RAB10: variants seen among roughly 807,000 people sequenced by gnomAD.
RAB10 encodes RAB10, member RAS oncogene family.
RAB10 carries 5 observed loss-of-function variants against 25.7 expected under a neutral mutation model. The ratio of observed to expected loss-of-function variants is 0.19; its 90% CI spans 0.10 to 0.41. RAB10 has a LOEUF of 0.41. RAB10 is among the 10% of genes least tolerant of loss of function. RAB10 has a pLI of 1.00. For missense variants in RAB10, 103 were observed against 245.8 expected, an observed-to-expected ratio of 0.42 and a Z score of 3.89; for synonymous variants, 89 against 86.4, an observed-to-expected ratio of 1.03 and a Z score of -0.16.
chr2:26,075,545 A>C (rs901488641), intron 1 of RAB10, among the ~76,000 whole-genome samples: 2 of 152,170 alleles, frequency 1.3e-5, no homozygotes, highest in African/African-American at 4.8e-5. Flanking sequence ...GGTTTTACAA[A>C]ATTTTTTAAA....
intron 1 of RAB10, among the ~76,000 whole-genome samples, chr2:26,053,046 G>A (rs1167594809): frequency 6.6e-6 from 1 of 152,144 alleles, no homozygotes. Context: ...TGGAGGAAAA[G>A]TTTATATTTC....
chr2:26,092,464 TAGTG>T (rs1165261622), intron 1 of RAB10, among the ~76,000 whole-genome samples: 7 of 151,976 alleles, frequency 4.6e-5, no homozygotes, highest in East Asian at 1.9e-4. Context: ...AGAGGAAACT[TAGTG>T]AGGAAGGATC....
At chr2:26,112,073 G>A (rs1559596355) in intron 3 of RAB10, among the ~76,000 whole-genome samples, 1 of 152,174 alleles carries the variant, frequency 6.6e-6, no homozygotes, top group Non-Finnish European at 1.5e-5. Flanking sequence ...TGGAAGAGAG[G>A]CATATGTGGG....
intron 1 of RAB10, among the ~76,000 whole-genome samples, chr2:26,060,430 C>G (rs1402089519): frequency 6.6e-6 from 1 of 152,036 alleles, no homozygotes; most frequent in African/African-American, 2.4e-5. Flanking sequence ...GTAGCTGGGA[C>G]TACAGGCGCT....
chr2:26,083,381 TTC>T (rs1666909784), intron 1 of RAB10, among the ~76,000 whole-genome samples: 1 of 151,524 alleles, frequency 6.6e-6, no homozygotes, highest in Admixed American at 6.6e-5. Flanking sequence ...TTTTTCTCTT[TTC>T]TCTCTTCTCT....
chr2:26,135,248 T>C lies in RAB10; in HGVS notation c.*227T>C. 2.2e-6 allele frequency: 1 copy of C among 462,094 alleles called. No homozygotes were observed. Among genetic ancestry groups the C allele is most frequent in the Non-Finnish European group, 3.8e-6 (1 of 259,830 alleles). The allele number at this position is 462,094 out of a possible 1,614,324, so 28.6% of individuals were successfully genotyped here. A position where few individuals can be genotyped will look rare whatever the true frequency, so the allele number is the denominator to read the frequency against. Reference sequence around the variant, plus strand: ...GAAAAATCATGTCTGTGAGTTCATTTTTAAATGTACTTGCTCAGCTCAACT... The same window carrying C: ...GAAAAATCATGTCTGTGAGTTCATTCTTAAATGTACTTGCTCAGCTCAACT... On this transcript the variant is annotated 3_prime_UTR_variant, in exon 6 of 6. Coordinates refer to ENST00000264710, the MANE Select transcript of RAB10 (RefSeq NM_016131.5).
intron 1 of RAB10, among the ~76,000 whole-genome samples, chr2:26,062,769 C>G (rs553576880): frequency 3.3e-5 from 5 of 152,040 alleles, no homozygotes; most frequent in Admixed American, 2.0e-4. Context: ...GAACTTTAAC[C>G]TTCTAAAGAA....
At chr2:26,124,214 A>G (rs191148924) in intron 3 of RAB10, among the ~76,000 whole-genome samples, 9 of 151,958 alleles carry the variant, frequency 5.9e-5, no homozygotes, top group Admixed American at 5.3e-4. Flanking sequence ...TTGGGGAGTA[A>G]AAGTTATACA....
chr2:26,098,805 T>G, intron 2 of RAB10, 83 bp downstream of exon 2: 318 of 1,201,464 alleles, frequency 2.6e-4, no homozygotes, highest in Non-Finnish European at 3.4e-4. Context: ...GTCACAGGTT[T>G]AGATTCTGTG....
intron 5 of RAB10, among the ~76,000 whole-genome samples, chr2:26,129,500 A>G (rs1346792665): frequency 1.3e-5 from 2 of 152,226 alleles, no homozygotes; most frequent in East Asian, 1.9e-4. Context: ...CATTAGCTGT[A>G]GTAGAGGTGG....
intron 3 of RAB10, 124 bp downstream of exon 3, chr2:26,110,030 T>G: frequency 8.9e-7 from 1 of 1,122,800 alleles, no homozygotes; most frequent in South Asian, 2.5e-5. Context: ...TATTGAAGTA[T>G]TTCTATTTTC....
intron 1 of RAB10, among the ~76,000 whole-genome samples, chr2:26,074,979 T>G (rs1276015413): frequency 6.6e-6 from 1 of 152,196 alleles, no homozygotes; most frequent in Non-Finnish European, 1.5e-5. Context: ...CCAAGGACTT[T>G]TGGGAGGGAC....
At chr2:26,129,297 A>AAAAAAC (rs1667967155) in intron 5 of RAB10, among the ~76,000 whole-genome samples, 1 of 144,154 alleles carries the variant, frequency 6.9e-6, no homozygotes, top group African/African-American at 2.5e-5. Flanking sequence ...AAAAAAAAAA[A>AAAAAAC]TCTGACACAC....
intron 1 of RAB10, among the ~76,000 whole-genome samples, chr2:26,071,303 A>G (rs1344937765): frequency 6.6e-6 from 1 of 152,208 alleles, no homozygotes; most frequent in Non-Finnish European, 1.5e-5. Context: ...CTGGCAAACT[A>G]TGGTTATTCA....
chr2:26,035,663 C>G (rs919196154), intron 1 of RAB10, among the ~76,000 whole-genome samples: 3 of 152,188 alleles, frequency 2.0e-5, no homozygotes, highest in Admixed American at 2.0e-4. Context: ...CCCATCCGCT[C>G]CGCAATAAAT....
intron 3 of RAB10, among the ~76,000 whole-genome samples, chr2:26,113,340 G>A (rs971415829): frequency 3.9e-5 from 6 of 152,164 alleles, no homozygotes; most frequent in African/African-American, 1.4e-4. Context: ...TTGGGAGGCC[G>A]AGGCAAGTGG....
intron 1 of RAB10, among the ~76,000 whole-genome samples, chr2:26,041,543 C>CAAAAAAAAAAA (rs1230627488): frequency 6.7e-5 from 3 of 44,626 alleles, no homozygotes; most frequent in African/African-American, 2.5e-4. Context: ...GACGCTGACT[C>CAAAAAAAAAAA]AAAAAAAAAA....
rs562310195 is a variant in RAB10, at chr2:26,102,439, C to CTTT, written c.188+3732_188+3734dup. Among the ~76,000 whole-genome samples the CTTT allele has an allele frequency of 2.0e-3, 253 of 124,362 alleles. 6 individuals are homozygous for CTTT. The highest frequency in any genetic ancestry group is 7.6e-3 in the African/African-American group (244 of 32,028). 81.6% of individuals were successfully genotyped at this position (124,362 alleles called of 152,430 possible). On this transcript the variant is annotated intron_variant, in intron 2 of 5. Coordinates refer to ENST00000264710, the MANE Select transcript of RAB10 (RefSeq NM_016131.5). ...TGATTTTTTTTTTTCTTTTTTCTTT[C>CTTT]TTTTTTTTTTTTTTTTTGAGACGGA... is the stretch of plus-strand genomic sequence containing the variant.
At chr2:26,041,742 C>G (rs1261270972) in intron 1 of RAB10, among the ~76,000 whole-genome samples, 2 of 150,968 alleles carry the variant, frequency 1.3e-5, no homozygotes, top group Non-Finnish European at 3.0e-5. Context: ...CTGTCTCTAC[C>G]AAAAATACAA....
Sources: gnomAD v4.1 joint callset for allele counts (sites outside exome capture counted in the v4.1 genomes callset) on GRCh38, gnomAD v4.1.1 for gene constraint, MANE v1.5 for transcripts, NCBI Gene and HGNC (gene_info 2026-07-23, HGNC 2026-07-21) for gene names.